Variants in MCF2L2 observed in about 807,000 individuals in gnomAD.
MCF2L2 encodes probable guanine nucleotide exchange factor MCF2L2.
Under a neutral mutation model 150.2 loss-of-function variants are expected in MCF2L2, and 102 were observed. The observed-to-expected ratio is 0.68, with a 90% confidence interval of 0.58 to 0.80. The LOEUF (loss-of-function observed/expected upper bound fraction) is 0.80. Ranked by LOEUF, MCF2L2 falls within the 30% of genes least tolerant of loss-of-function variation. The pLI is 0.00. For synonymous variants in MCF2L2, 465 were observed against 491.3 expected, an observed-to-expected ratio of 0.95 and a Z score of 0.71; for missense variants, 1,256 against 1,372.8, an observed-to-expected ratio of 0.91 and a Z score of 1.34.
At chr3:183,346,893 C>G (rs1032658274) in intron 3 of MCF2L2, among the ~76,000 whole-genome samples, 3 of 152,040 alleles carry the variant, frequency 2.0e-5, no homozygotes, top group African/African-American at 7.2e-5. Context: ...AATCACTGCT[C>G]AAGGAAATAA....
chr3:183,255,889 G>T (rs1343539984), intron 15 of MCF2L2, among the ~76,000 whole-genome samples: 1 of 151,954 alleles, frequency 6.6e-6, no homozygotes, highest in Admixed American at 6.6e-5. Context: ...GTTTTGAAAT[G>T]GGTCATCTTT....
At chr3:183,238,792 T>C (rs938817982) in intron 15 of MCF2L2, among the ~76,000 whole-genome samples, 13 of 150,308 alleles carry the variant, frequency 8.6e-5, no homozygotes, top group Non-Finnish European at 1.6e-4. Flanking sequence ...GGTCAGGAGA[T>C]GTAGACCATC....
At chr3:183,380,525 G>A (rs1034616689) in intron 2 of MCF2L2, among the ~76,000 whole-genome samples, 12 of 152,014 alleles carry the variant, frequency 7.9e-5, no homozygotes, top group Non-Finnish European at 1.2e-4. Context: ...CCTCAGCCTC[G>A]TGAGTAGCTG....
intron 22 of MCF2L2, among the ~76,000 whole-genome samples, chr3:183,214,364 A>G (rs973282048): frequency 6.6e-6 from 1 of 152,222 alleles, no homozygotes; most frequent in Non-Finnish European, 1.5e-5. Context: ...TGAATCATGC[A>G]TCAGTTGTCA....
intron 1 of MCF2L2, among the ~76,000 whole-genome samples, chr3:183,395,416 T>A (rs1046545201): frequency 7.9e-5 from 12 of 152,182 alleles, no homozygotes; most frequent in South Asian, 2.1e-4. Flanking sequence ...AAAGAATATA[T>A]GAAACAGTTG....
At chr3:183,363,742 A>T (rs954289899) in intron 3 of MCF2L2, among the ~76,000 whole-genome samples, 13 of 152,178 alleles carry the variant, frequency 8.5e-5, no homozygotes, top group Admixed American at 5.2e-4. Flanking sequence ...AAAGAAATAC[A>T]CTTTAAACAG....
intron 7 of MCF2L2, among the ~76,000 whole-genome samples, chr3:183,315,599 G>A (rs1449964274): frequency 3.9e-5 from 6 of 152,204 alleles, no homozygotes; most frequent in Non-Finnish European, 5.9e-5. Context: ...CCTGAGAGAA[G>A]TCTTAGCCTC....
chr3:183,390,286 T>C, intron 1 of MCF2L2, among the ~76,000 whole-genome samples: 1 of 152,158 alleles, frequency 6.6e-6, no homozygotes, highest in African/African-American at 2.4e-5. Context: ...TTCCTTTTTT[T>C]CCCCCTTCCA....
intron 15 of MCF2L2, chr3:183,272,439 A>G (rs575948463): frequency 2.0e-6 from 2 of 1,000,094 alleles, no homozygotes; most frequent in East Asian, 1.1e-4. Flanking sequence ...AACAAAACGA[A>G]AAAAGATTTC....
chr3:183,359,019 T>C (rs1711965614), intron 3 of MCF2L2, among the ~76,000 whole-genome samples: 1 of 150,922 alleles, frequency 6.6e-6, no homozygotes, highest in Non-Finnish European at 1.5e-5. Context: ...TTTTTTTTTC[T>C]GTTTTTCTTA....
intron 15 of MCF2L2, chr3:183,254,477 A>C (rs1724842126): frequency 1.3e-5 from 2 of 152,122 alleles, no homozygotes; most frequent in South Asian, 4.1e-4. Flanking sequence ...GCTGGGACCC[A>C]GGCCGGGCCG....
chr3:183,253,259 A>C (rs1266182378), intron 15 of MCF2L2: 1 of 148,724 alleles, frequency 6.7e-6, no homozygotes, highest in East Asian at 2.0e-4. Context: ...GCCCGCATAC[A>C]GCCCGCATCC....
chr3:183,315,119 T>A (rs1266862857), intron 7 of MCF2L2, among the ~76,000 whole-genome samples: 4 of 150,256 alleles, frequency 2.7e-5, no homozygotes, highest in Admixed American at 2.7e-4. Context: ...GTATTTTTAG[T>A]AGAGATGGGG....
intron 27 of MCF2L2, among the ~76,000 whole-genome samples, chr3:183,183,800 G>C (rs1228129471): frequency 1.3e-5 from 2 of 152,040 alleles, no homozygotes; most frequent in Non-Finnish European, 2.9e-5. Flanking sequence ...GGCACTCCAG[G>C]TGTGCTATTA....
chr3:183,250,306 C>G (rs949838291), intron 15 of MCF2L2, among the ~76,000 whole-genome samples: 5 of 152,194 alleles, frequency 3.3e-5, no homozygotes, highest in African/African-American at 9.6e-5. Flanking sequence ...TCAGGATGGG[C>G]TGGGAGCGGT....
chr3:183,191,941 C>T (rs956348751), intron 27 of MCF2L2, among the ~76,000 whole-genome samples: 2 of 147,084 alleles, frequency 1.4e-5, no homozygotes, highest in African/African-American at 2.5e-5. Flanking sequence ...CCCAGGTTGA[C>T]GCCATTCTCC....
chr3:183,289,171 T>C lies in MCF2L2; in HGVS notation c.1725A>G (p.Thr575=), dbSNP rs760072799. Residue 575 remains threonine (T), a synonymous_variant, in exon 14 of 30, where the codon ACA becomes ACG. Coordinates refer to ENST00000328913, the MANE Select transcript of MCF2L2 (RefSeq NM_015078.4). ...LRTSEEPYTE[T]ELNSRGKEDD... ...CTTCCTTTCCCCGGGAGTTCAACTC[T>C]GTCTCCGTATAAGGTTCCTCAGACG... 24 of 1,614,086 alleles carry C rather than the reference T, an allele frequency of 1.5e-5. No homozygotes were observed. Among genetic ancestry groups the C allele is most frequent in the Non-Finnish European group, 1.9e-5 (23 of 1,179,946 alleles).
At chr3:183,217,294 CA>C (rs35973262) in intron 21 of MCF2L2, among the ~76,000 whole-genome samples, 310 of 15,196 alleles carry the variant, frequency 0.02, no homozygotes, top group African/African-American at 0.069. Context: ...AACCCCGTCT[CA>C]AAAAAAAAAA....
chr3:183,361,082 C>CAAGAA (rs1712157195), intron 3 of MCF2L2, among the ~76,000 whole-genome samples: 1 of 65,276 alleles, frequency 1.5e-5, no homozygotes, highest in African/African-American at 7.6e-5. Flanking sequence ...GAAGAGAAGA[C>CAAGAA]AAGACAAGAC....
Sources: gnomAD v4.1 joint callset for allele counts (sites outside exome capture counted in the v4.1 genomes callset) on GRCh38, gnomAD v4.1.1 for gene constraint, MANE v1.5 for transcripts, NCBI Gene and HGNC (gene_info 2026-07-23, HGNC 2026-07-21) for gene names.